Variants in GRIA3 observed in about 807,000 individuals in gnomAD.
GRIA3 encodes the protein glutamate ionotropic receptor AMPA type subunit 3.
GRIA3 carries 3 observed loss-of-function variants against 63.0 expected under a neutral mutation model. That is an observed-to-expected ratio of 0.05 (90% CI 0.02 to 0.12). The LOEUF (loss-of-function observed/expected upper bound fraction) is 0.12, where lower values mean the gene tolerates loss of function less well. GRIA3 is among the 10% of genes least tolerant of loss of function. The probability of loss-of-function intolerance (pLI) is 1.00; values close to 1 mark genes in which losing one functional copy is unlikely to be tolerated. For missense variants in GRIA3, 347 were observed against 700.9 expected (o/e 0.50, Z 5.70); for synonymous variants, 274 against 257.9 (o/e 1.06, Z -0.60).
chrX:123,440,509 T>A (rs2045668228), intron 12 of GRIA3, among the ~76,000 whole-genome samples: 3 of 112,766 alleles, frequency 2.7e-5, no homozygotes, highest in East Asian at 2.8e-4. Context: ...TGAGATGGTA[T>A]CTCATTGTGG....
At chrX:123,434,592 A>G (rs2045635151) in intron 12 of GRIA3, among the ~76,000 whole-genome samples, 1 of 111,507 alleles carries the variant, frequency 9.0e-6, no homozygotes, top group African/African-American at 3.3e-5. Context: ...TTACTTTCCT[A>G]TGTTATATAA....
chrX:123,190,206 C>A (rs1373444267), intron 2 of GRIA3, among the ~76,000 whole-genome samples: 3 of 110,172 alleles, frequency 2.7e-5, no homozygotes, highest in Admixed American at 9.7e-5. Flanking sequence ...GCCATACTAC[C>A]CAACATTGAC....
chrX:123,308,861 C>A (rs1031677985), intron 3 of GRIA3, among the ~76,000 whole-genome samples: 6 of 112,464 alleles, frequency 5.3e-5, no homozygotes. Context: ...CCATTTATTT[C>A]ATGCTAAGAA....
intron 3 of GRIA3, among the ~76,000 whole-genome samples, chrX:123,324,770 G>A (rs1201699109): frequency 2.7e-5 from 3 of 111,667 alleles, no homozygotes; most frequent in Non-Finnish European, 3.8e-5. Flanking sequence ...CATAATGACC[G>A]GCTGAGTCAC....
chrX:123,336,212 A>G (rs866673215), intron 4 of GRIA3, among the ~76,000 whole-genome samples: 1 of 82,507 alleles, frequency 1.2e-5, no homozygotes, highest in Admixed American at 1.3e-4. Context: ...AAGCATGTAA[A>G]TGAGCAATAA....
At chrX:123,217,469 A>T (rs1448717553) in intron 2 of GRIA3, among the ~76,000 whole-genome samples, 1 of 111,669 alleles carries the variant, frequency 9.0e-6, no homozygotes, top group African/African-American at 3.3e-5. Context: ...TACCTGAGAC[A>T]CCCACAGAAA....
intron 2 of GRIA3, among the ~76,000 whole-genome samples, chrX:123,203,350 T>C (rs1393164072): frequency 8.9e-6 from 1 of 112,172 alleles, no homozygotes; most frequent in Non-Finnish European, 1.9e-5. Flanking sequence ...CTGCTGCTAC[T>C]AACTAGCTAT....
At chrX:123,459,441 A>G (rs1181742167) in intron 12 of GRIA3, among the ~76,000 whole-genome samples, 1 of 111,810 alleles carries the variant, frequency 8.9e-6, no homozygotes, top group Non-Finnish European at 1.9e-5. Flanking sequence ...TTCTTCATAT[A>G]TTTGACCTTC....
chrX:123,424,554 T>C (rs1247467029), intron 11 of GRIA3, among the ~76,000 whole-genome samples: 2 of 111,973 alleles, frequency 1.8e-5, no homozygotes, highest in South Asian at 3.7e-4. Context: ...CTATCTCTGC[T>C]GAGGTATGCA....
chrX:123,231,145 A>G (rs914314835), intron 2 of GRIA3, among the ~76,000 whole-genome samples: 1 of 112,127 alleles, frequency 8.9e-6, no homozygotes, highest in Admixed American at 9.4e-5. Flanking sequence ...TATTCAAAAC[A>G]TTAGCACCCT....
chrX:123,329,390 A>G (rs1438135377), intron 4 of GRIA3, among the ~76,000 whole-genome samples: 1 of 112,100 alleles, frequency 8.9e-6, no homozygotes, highest in Non-Finnish European at 1.9e-5. Context: ...TCATGTCATG[A>G]TATAAGTTCT....
At chrX:123,225,966 G>T (rs2044244380) in intron 2 of GRIA3, among the ~76,000 whole-genome samples, 1 of 111,773 alleles carries the variant, frequency 8.9e-6, no homozygotes. Context: ...TGAACCCACA[G>T]TAATCTGTTT....
intron 5 of GRIA3, among the ~76,000 whole-genome samples, chrX:123,378,023 C>A (rs1242482792): frequency 8.9e-6 from 1 of 112,100 alleles, no homozygotes; most frequent in African/African-American, 3.2e-5. Flanking sequence ...GATCCTCAGT[C>A]TCCCTATTTC....
At chrX:123,450,620 TTTA>T (rs1356813013) in intron 12 of GRIA3, among the ~76,000 whole-genome samples, 1 of 113,051 alleles carries the variant, frequency 8.8e-6, no homozygotes, top group Admixed American at 9.3e-5. Context: ...TCAGTTAATA[TTTA>T]TTAAGTACAT....
chrX:123,229,478 A>G (rs1242269346), intron 2 of GRIA3, among the ~76,000 whole-genome samples: 1 of 112,027 alleles, frequency 8.9e-6, no homozygotes, highest in Non-Finnish European at 1.9e-5. Context: ...CCTACCAGAT[A>G]GCACATCATG....
intron 3 of GRIA3, among the ~76,000 whole-genome samples, chrX:123,284,747 T>C (rs1188957743): frequency 9.0e-6 from 1 of 111,398 alleles, no homozygotes; most frequent in East Asian, 2.8e-4. Context: ...AATATGGGAC[T>C]GTGTGAAAAG....
At chrX:123,382,324 C>T (rs778857999) in intron 5 of GRIA3, among the ~76,000 whole-genome samples, 21 of 110,918 alleles carry the variant, frequency 1.9e-4, no homozygotes, top group African/African-American at 6.6e-4. Context: ...AAAAAAAAAG[C>T]AGGTTGTGAT....
At chrX:123,301,947 T>C (rs2044725865) in intron 3 of GRIA3, among the ~76,000 whole-genome samples, 1 of 112,100 alleles carries the variant, frequency 8.9e-6, no homozygotes, top group Admixed American at 9.4e-5. Flanking sequence ...TTAAATTGTT[T>C]TCCCAGCAGT....
chrX:123,282,816 G>A (rs12557033), intron 3 of GRIA3, among the ~76,000 whole-genome samples: 2 of 112,603 alleles, frequency 1.8e-5, no homozygotes, highest in South Asian at 7.3e-4. Flanking sequence ...TGAGGCAAGA[G>A]AATCGCTTGT....
Sources: allele counts gnomAD v4.1 joint callset (sites outside exome capture counted in the v4.1 genomes callset), GRCh38; gene constraint gnomAD v4.1.1; transcripts MANE v1.5; gene names NCBI Gene and HGNC (gene_info 2026-07-23, HGNC 2026-07-21).